Variants in ZNF567 observed in about 807,000 individuals in gnomAD.
The protein encoded by ZNF567 is zinc finger protein 567.
ZNF567 carries 36 observed loss-of-function variants against 53.9 expected under a neutral mutation model. That is an observed-to-expected ratio of 0.67 (90% CI 0.51 to 0.88). ZNF567 has a LOEUF of 0.88. ZNF567 is among the 40% of genes least tolerant of loss of function. ZNF567 has a pLI of 0.00. For synonymous variants in ZNF567, 224 were observed against 260.4 expected (o/e 0.86, Z 1.35); for missense variants, 619 against 764.7 (o/e 0.81, Z 2.25).
chr19:36,712,997 A>C, intron 5 of ZNF567, 130 bp downstream of exon 5: 1 of 709,656 alleles, frequency 1.4e-6, no homozygotes, highest in South Asian at 2.1e-5. Context: ...GAAAACCTTC[A>C]TGCCTATAAA....
At chr19:36,676,055 C>CTATTTTTTTTTT in the ZNF567 span, among the ~76,000 whole-genome samples, 1 of 60,600 alleles carries the variant, frequency 1.7e-5, no homozygotes, top group Non-Finnish European at 3.1e-5. Context: ...TATTCTACAC[C>CTATTTTTTTTTT]TTTTTTTTTT....
At chr19:36,690,419 CCT>C (rs1441633428) in intron 2 of ZNF567, among the ~76,000 whole-genome samples, 1 of 151,774 alleles carries the variant, frequency 6.6e-6, no homozygotes, top group Non-Finnish European at 1.5e-5. Context: ...TTAGTGAAAC[CCT>C]GTCTCTACAA....
intron 3 of ZNF567, among the ~76,000 whole-genome samples, chr19:36,699,480 G>A (rs1283103939): frequency 6.6e-6 from 1 of 152,118 alleles, no homozygotes; most frequent in Non-Finnish European, 1.5e-5. Context: ...TAGCTTGATG[G>A]GGATGGCATT....
chr19:36,694,747 T>TCTCA, intron 2 of ZNF567, 55 bp from the exon 3 acceptor site: 2 of 829,268 alleles, frequency 2.4e-6, no homozygotes, highest in Non-Finnish European at 3.7e-6. Flanking sequence ...TTATAAGAGC[T>TCTCA]GTGAGGCACA....
intron 2 of ZNF567, among the ~76,000 whole-genome samples, chr19:36,692,899 T>C (rs2038692942): frequency 6.6e-6 from 1 of 152,176 alleles, no homozygotes; most frequent in African/African-American, 2.4e-5. Context: ...TGGATTCTGT[T>C]TCCTACTCTG....
chr19:36,695,792 A>C (rs2038856256), intron 3 of ZNF567, among the ~76,000 whole-genome samples: 2 of 152,200 alleles, frequency 1.3e-5, no homozygotes, highest in Admixed American at 6.6e-5. Context: ...TCCTTGAACT[A>C]AATGAAAATG....
intron 5 of ZNF567, among the ~76,000 whole-genome samples, chr19:36,716,755 G>C (rs920749105): frequency 5.9e-5 from 9 of 152,150 alleles, no homozygotes; most frequent in Non-Finnish European, 1.3e-4. Context: ...CTCATGCTGT[G>C]TCCCTACAGA....
At chr19:36,688,305 T>C (rs1033514117) in intron 1 of ZNF567, among the ~76,000 whole-genome samples, 13 of 152,124 alleles carry the variant, frequency 8.5e-5, no homozygotes, top group African/African-American at 2.9e-4. Flanking sequence ...CTATGATGAC[T>C]GTGAATGTGG....
chr19:36,726,020 A>G (rs1204374544), downstream of ZNF567, among the ~76,000 whole-genome samples: 1 of 151,900 alleles, frequency 6.6e-6, no homozygotes, highest in Non-Finnish European at 1.5e-5. Context: ...GGTAGTTCCT[A>G]TTGTTCTGTA....
At chr19:36,712,213 A>AT in intron 3 of ZNF567, 173 bp from the exon 4 acceptor site, 1 of 544,094 alleles carries the variant, frequency 1.8e-6, no homozygotes, top group Non-Finnish European at 3.2e-6. Flanking sequence ...TGCCCAGCTA[A>AT]TTTTTTGTAT....
At chr19:36,688,184 TAGA>T in intron 1 of ZNF567, among the ~76,000 whole-genome samples, 1 of 152,286 alleles carries the variant, frequency 6.6e-6, no homozygotes. Context: ...TTACTTTTTG[TAGA>T]AGTTCTGTGA....
chr19:36,709,612 A>C (rs2039673813), intron 3 of ZNF567, among the ~76,000 whole-genome samples: 2 of 151,768 alleles, frequency 1.3e-5, no homozygotes, highest in Non-Finnish European at 2.9e-5. Context: ...TTACAGAAGT[A>C]AGCCACCACG....
chr19:36,680,857 G>T, the ZNF567 span, among the ~76,000 whole-genome samples: 1 of 152,130 alleles, frequency 6.6e-6, no homozygotes, highest in South Asian at 2.1e-4. Flanking sequence ...CAGTCTCCTT[G>T]TGTCTCTTTT....
chr19:36,699,258 T>C lies in ZNF567; in HGVS notation c.9+4382T>C, dbSNP rs561818124. ...GATAAGTGGCATTATTTCTGAGGGCTCTGTTCTGTTCCATTGATCTATATC... is the reference window on the plus strand; with the variant it reads ...GATAAGTGGCATTATTTCTGAGGGCCCTGTTCTGTTCCATTGATCTATATC... On this transcript the variant is annotated intron_variant, in intron 3 of 5. Coordinates refer to ENST00000682579, the MANE Select transcript of ZNF567 (RefSeq NM_001322917.1). Among the ~76,000 whole-genome samples, 22 of 152,312 alleles carry C rather than the reference T, an allele frequency of 1.4e-4. No homozygotes were observed. In the South Asian group the frequency reaches 4.3e-3, roughly 30 times the overall value.
At chr19:36,698,063 A>G (rs897031939) in intron 3 of ZNF567, among the ~76,000 whole-genome samples, 9 of 151,136 alleles carry the variant, frequency 6.0e-5, no homozygotes, top group African/African-American at 2.0e-4. Context: ...TCCTAATGCT[A>G]TCCCTCCCCC....
chr19:36,675,377 C>T, the ZNF567 span, among the ~76,000 whole-genome samples: 2 of 151,538 alleles, frequency 1.3e-5, no homozygotes, highest in African/African-American at 4.8e-5. Flanking sequence ...CCCATCTCTA[C>T]AAAAAATAAA....
At chr19:36,675,784 G>A in the ZNF567 span, among the ~76,000 whole-genome samples, 1 of 152,312 alleles carries the variant, frequency 6.6e-6, no homozygotes, top group African/African-American at 2.4e-5. Context: ...AGCAGGTCAA[G>A]GCTGCAGTGA....
chr19:36,688,354 G>A (rs1318740911), intron 1 of ZNF567, among the ~76,000 whole-genome samples: 1 of 152,102 alleles, frequency 6.6e-6, no homozygotes, highest in Non-Finnish European at 1.5e-5. Flanking sequence ...GAGAAACCGA[G>A]TGTTGACTAA....
At position 36,694,938 on chromosome 19, in the gene ZNF567, T is replaced by G. The variant is rs950649911; in HGVS notation, c.9+62T>G. Reference sequence around the variant, plus strand: ...TTTTTTTTTTTTTTTTTAAGGATATTTGGGCATGTGTCGGTCTTGTCCTAC... The same window carrying G: ...TTTTTTTTTTTTTTTTTAAGGATATGTGGGCATGTGTCGGTCTTGTCCTAC... On this transcript the variant is annotated intron_variant, in intron 3 of 5. Transcript: ENST00000682579. 3.4e-6 allele frequency: 5 copies of G among 1,485,742 alleles called. No individual in the cohort carries two copies. In the Admixed American group the frequency reaches 9.7e-5, roughly 29 times the overall value. The allele number at this position is 1,485,742 out of a possible 1,614,324, so 92.0% of individuals were successfully genotyped here.
Sources: gnomAD v4.1 joint callset for allele counts (sites outside exome capture counted in the v4.1 genomes callset) on GRCh38, gnomAD v4.1.1 for gene constraint, MANE v1.5 for transcripts, NCBI Gene and HGNC (gene_info 2026-07-23, HGNC 2026-07-21) for gene names.